The following TRPC4AP variants were observed in gnomAD, a reference collection of about 807,000 sequenced individuals.
TRPC4AP encodes transient receptor potential cation channel subfamily C member 4 associated protein.
A neutral mutation model predicts 99.0 loss-of-function variants in TRPC4AP; 45 were observed. The observed-to-expected ratio is 0.45, with a 90% confidence interval of 0.36 to 0.58. TRPC4AP has a LOEUF of 0.58. Among genes scored for constraint, TRPC4AP ranks in the 20% least tolerant of loss-of-function variants. The probability of loss-of-function intolerance (pLI) is 0.00; values close to 1 mark genes in which losing one functional copy is unlikely to be tolerated. For missense variants in TRPC4AP, 879 were observed against 985.3 expected (o/e 0.89, Z 1.44); for synonymous variants, 408 against 385.8 (o/e 1.06, Z -0.67).
At chr20:35,072,495 C>T (rs1185069970) in intron 2 of TRPC4AP, among the ~76,000 whole-genome samples, 2 of 152,182 alleles carry the variant, frequency 1.3e-5, no homozygotes, top group East Asian at 1.9e-4. Flanking sequence ...CAGCTTTCTA[C>T]ATGTGGCTAG....
rs779041450 is a variant in TRPC4AP, at chr20:35,044,613, T to C, written c.757A>G (p.Ile253Val). ...TCATTCCCTGTATCCATCTCTGAAA[T>C]GGTGACAGCCAGAATCCGGCAGAAA... ...ANFCRILAVT[I>V]SEMDTGNDDK... The change falls in exon 7 of 19, where the codon ATT becomes GTT. Residue 253 changes from isoleucine to valine, a missense_variant. Physicochemically the swap from Ile to Val is conservative, Grantham distance 29. Coordinates refer to ENST00000252015, the MANE Select transcript of TRPC4AP (RefSeq NM_015638.3). 10 of 1,613,978 alleles carry C rather than the reference T, an allele frequency of 6.2e-6. No homozygotes were observed. The highest frequency in any genetic ancestry group is 6.8e-6 in the Non-Finnish European group (8 of 1,180,018).
chr20:35,038,732 T>G (rs2083381007), intron 7 of TRPC4AP, among the ~76,000 whole-genome samples: 1 of 151,652 alleles, frequency 6.6e-6, no homozygotes, highest in South Asian at 2.1e-4. Flanking sequence ...TGCTGTACTT[T>G]TTGTATCATT....
chr20:35,080,123 T>G (rs1569150700), intron 1 of TRPC4AP, among the ~76,000 whole-genome samples: 1 of 151,994 alleles, frequency 6.6e-6, no homozygotes, highest in Non-Finnish European at 1.5e-5. Context: ...TGGAATATTA[T>G]TCAGCAAAAA....
chr20:35,015,959 T>C, intron 10 of TRPC4AP, 49 bp downstream of exon 10: 1 of 1,608,330 alleles, frequency 6.2e-7, no homozygotes, highest in Non-Finnish European at 8.5e-7. Flanking sequence ...TTGAAACAAC[T>C]ACTCCAAGCC....
chr20:35,081,129 T>C (rs903351546), intron 1 of TRPC4AP, among the ~76,000 whole-genome samples: 43 of 152,238 alleles, frequency 2.8e-4, no homozygotes, highest in African/African-American at 1.0e-3. Flanking sequence ...GGATAGGACA[T>C]TAAAAAAGCA....
intron 2 of TRPC4AP, among the ~76,000 whole-genome samples, chr20:35,071,241 G>A (rs1027148376): frequency 3.3e-5 from 5 of 152,066 alleles, no homozygotes; most frequent in Non-Finnish European, 5.9e-5. Flanking sequence ...GTTTCATTAC[G>A]TTCAATATAA....
chr20:35,012,457 C>A (rs2082660333), intron 11 of TRPC4AP, among the ~76,000 whole-genome samples: 1 of 152,212 alleles, frequency 6.6e-6, no homozygotes, highest in Admixed American at 6.5e-5. Context: ...TCCCCAATGC[C>A]AAGGTCAAGG....
chr20:35,040,895 G>C (rs2083432146), intron 7 of TRPC4AP, among the ~76,000 whole-genome samples: 1 of 152,150 alleles, frequency 6.6e-6, no homozygotes, highest in Admixed American at 6.5e-5. Context: ...CTAATACAGG[G>C]AAGTAATTAA....
At chr20:35,012,713 A>T (rs1211535536) in intron 11 of TRPC4AP, among the ~76,000 whole-genome samples, 1 of 152,192 alleles carries the variant, frequency 6.6e-6, no homozygotes, top group Non-Finnish European at 1.5e-5. Context: ...TTAGAGGGGC[A>T]GTAGGTTGAG....
At chr20:35,092,503 C>T in intron 1 of TRPC4AP, 111 bp downstream of exon 1, 1 of 1,298,578 alleles carries the variant, frequency 7.7e-7, no homozygotes, top group Non-Finnish European at 1.0e-6. Context: ...TTCCGGCCAG[C>T]CAAAAGGGCT....
chr20:35,084,386 T>A (rs1448568686), intron 1 of TRPC4AP, among the ~76,000 whole-genome samples: 1 of 151,776 alleles, frequency 6.6e-6, no homozygotes, highest in Non-Finnish European at 1.5e-5. Context: ...TTAATACAAA[T>A]TTAAAAACAG....
intron 3 of TRPC4AP, among the ~76,000 whole-genome samples, chr20:35,059,567 A>G (rs1023739135): frequency 6.6e-6 from 1 of 152,150 alleles, no homozygotes; most frequent in Non-Finnish European, 1.5e-5. Flanking sequence ...CTGAGGCAGG[A>G]GGATTACTTG....
At chr20:35,068,558 A>T (rs959823090) in intron 3 of TRPC4AP, among the ~76,000 whole-genome samples, 1 of 152,044 alleles carries the variant, frequency 6.6e-6, no homozygotes, top group African/African-American at 2.4e-5. Flanking sequence ...TTGAGAGCTC[A>T]TCACCCAGGC....
chr20:35,013,171 C>G, intron 10 of TRPC4AP, 105 bp from the exon 11 acceptor site: 1 of 1,029,938 alleles, frequency 9.7e-7, no homozygotes, highest in Non-Finnish European at 1.5e-6. Flanking sequence ...CCTCTGTCCT[C>G]ATGTACCATG....
At chr20:35,051,849 C>G (rs139594595) in intron 5 of TRPC4AP, among the ~76,000 whole-genome samples, 1 of 152,130 alleles carries the variant, frequency 6.6e-6, no homozygotes, top group South Asian at 2.1e-4. Flanking sequence ...TGACTACCCA[C>G]CTTTCTCCTC....
intron 3 of TRPC4AP, among the ~76,000 whole-genome samples, chr20:35,060,585 C>CAAAAAAAAAAAAAAAA (rs35143678): frequency 1.4e-5 from 1 of 70,386 alleles, no homozygotes; most frequent in Non-Finnish European, 2.5e-5. Flanking sequence ...ACCTTGTCTC[C>CAAAAAAAAAAAAAAAA]AAAAAAAAAA....
Position 35,045,070 on chromosome 20 carries a change from AT to A in TRPC4AP, c.658-359del, listed in dbSNP as rs201434451. Reference sequence around the variant, plus strand: ...TCATAAATTACCATTCTTGCTACAGATTTGCTTTTTTAAAAAATAAAATACT... The same window carrying A: ...TCATAAATTACCATTCTTGCTACAGATTGCTTTTTTAAAAAATAAAATACT... On this transcript the variant is annotated intron_variant, in intron 6 of 18. Transcript: ENST00000252015. 4.0e-3 allele frequency among the ~76,000 whole-genome samples: 613 copies of A among 152,200 alleles called. 4 individuals are homozygous for A. Among genetic ancestry groups the A allele is most frequent in the Admixed American group, 0.013 (198 of 15,290 alleles).
intron 2 of TRPC4AP, among the ~76,000 whole-genome samples, 190 bp downstream of exon 2, chr20:35,077,856 T>C (rs904635311): frequency 1.3e-5 from 2 of 152,134 alleles, no homozygotes; most frequent in African/African-American, 4.8e-5. Context: ...GTGATTATCT[T>C]GGGATGATGG....
chr20:35,078,891 C>T (rs2084552848), intron 1 of TRPC4AP, among the ~76,000 whole-genome samples: 1 of 152,162 alleles, frequency 6.6e-6, no homozygotes, highest in African/African-American at 2.4e-5. Flanking sequence ...CGTGATAAAA[C>T]CCCATCTCTA....
Sources: allele counts gnomAD v4.1 joint callset (sites outside exome capture counted in the v4.1 genomes callset), GRCh38; gene constraint gnomAD v4.1.1; transcripts MANE v1.5; gene names NCBI Gene and HGNC (gene_info 2026-07-23, HGNC 2026-07-21).